The following MICU3 variants were observed in gnomAD, a reference collection of about 807,000 sequenced individuals.
MICU3 encodes calcium uptake protein 3, mitochondrial.
A neutral mutation model predicts 66.5 loss-of-function variants in MICU3; 62 were observed. The observed-to-expected ratio is 0.93, with a 90% confidence interval of 0.76 to 1.15. The LOEUF (loss-of-function observed/expected upper bound fraction) is 1.15. Among genes scored for constraint, MICU3 ranks in the 50% most tolerant of loss-of-function variants. MICU3 has a pLI of 0.00. For synonymous variants in MICU3, 308 were observed against 240.7 expected (o/e 1.28, Z -2.59); for missense variants, 779 against 664.4 (o/e 1.17, Z -1.90).
intron 3 of MICU3, among the ~76,000 whole-genome samples, chr8:17,074,845 A>G (rs780706847): frequency 5.9e-5 from 9 of 152,066 alleles, no homozygotes; most frequent in Non-Finnish European, 1.2e-4. Flanking sequence ...TTAATTCAGC[A>G]AATATTTATT....
chr8:17,075,211 C>CA (rs78530131), intron 3 of MICU3, among the ~76,000 whole-genome samples: 44,946 of 152,014 alleles, frequency 0.3, 7,108 homozygotes, highest in East Asian at 0.59. Flanking sequence ...CGTCCTAGCA[C>CA]AGCAGCGTGT....
At chr8:17,091,692 T>C (rs918107770) in intron 8 of MICU3, among the ~76,000 whole-genome samples, 5 of 152,052 alleles carry the variant, frequency 3.3e-5, no homozygotes, top group Admixed American at 3.3e-4. Context: ...ACTTACAAGA[T>C]ACTTTAAATT....
At chr8:17,043,219 G>A (rs1465975379) in intron 1 of MICU3, among the ~76,000 whole-genome samples, 5 of 152,080 alleles carry the variant, frequency 3.3e-5, no homozygotes, top group African/African-American at 1.2e-4. Context: ...GATTACAGGC[G>A]TGAGCCACCG....
downstream of MICU3, among the ~76,000 whole-genome samples, chr8:17,126,363 G>A (rs1338742876): frequency 6.6e-6 from 1 of 151,866 alleles, no homozygotes; most frequent in African/African-American, 2.4e-5. Flanking sequence ...CTCTCTTCCA[G>A]TTTTCCTGTC....
At chr8:17,115,758 G>T (rs933348125) in intron 12 of MICU3, among the ~76,000 whole-genome samples, 1 of 152,084 alleles carries the variant, frequency 6.6e-6, no homozygotes, top group Non-Finnish European at 1.5e-5. Flanking sequence ...GCCTATTGAA[G>T]AATGTTCTGG....
At chr8:17,069,590 A>G in intron 2 of MICU3, 98 bp from the exon 3 acceptor site, 1 of 668,132 alleles carries the variant, frequency 1.5e-6, no homozygotes, top group South Asian at 2.3e-5. Context: ...TGGACATAAA[A>G]GTTTGGTTAT....
At chr8:17,051,880 G>A (rs922128741) in intron 1 of MICU3, among the ~76,000 whole-genome samples, 1 of 152,046 alleles carries the variant, frequency 6.6e-6, no homozygotes, top group Non-Finnish European at 1.5e-5. Flanking sequence ...GGAGAGCAAA[G>A]GTAGCTAAAT....
At chr8:17,128,986 T>C in the MICU3 span, among the ~76,000 whole-genome samples, 3 of 152,196 alleles carry the variant, frequency 2.0e-5, no homozygotes, top group Non-Finnish European at 4.4e-5. Context: ...GGTCCCATAG[T>C]GCTGGGAGCC....
chr8:17,071,118 C>G (rs1819523574), intron 3 of MICU3, among the ~76,000 whole-genome samples: 2 of 151,572 alleles, frequency 1.3e-5, no homozygotes, highest in South Asian at 4.2e-4. Context: ...GAAAGCTAAG[C>G]CTCAAATAAG....
chr8:17,118,012 C>T (rs569850690), intron 13 of MICU3, among the ~76,000 whole-genome samples: 14 of 152,314 alleles, frequency 9.2e-5, no homozygotes, highest in African/African-American at 3.4e-4. Context: ...GTCCAAGCTA[C>T]TTGAGTAAAG....
chr8:17,038,306 A>T (rs554951623), intron 1 of MICU3, among the ~76,000 whole-genome samples: 1 of 152,114 alleles, frequency 6.6e-6, no homozygotes, highest in Non-Finnish European at 1.5e-5. Flanking sequence ...GGTTTTTCCC[A>T]TGCTGTTGTC....
chr8:17,033,780 C>T (rs964458664), intron 1 of MICU3, among the ~76,000 whole-genome samples: 3 of 152,028 alleles, frequency 2.0e-5, no homozygotes, highest in Non-Finnish European at 1.5e-5. Context: ...AAGGAAGCTG[C>T]AGAAGAAAAG....
At chr8:17,056,189 C>T (rs892961886) in intron 1 of MICU3, among the ~76,000 whole-genome samples, 11 of 152,164 alleles carry the variant, frequency 7.2e-5, no homozygotes, top group African/African-American at 1.2e-4. Flanking sequence ...ATGTCAATTC[C>T]CCAGGGACTA....
Position 17,105,558 on chromosome 8 carries a change from G to A in MICU3, c.1231G>A (p.Val411Met). The A allele has an allele frequency of 2.6e-6, 4 of 1,559,636 alleles. No individual in the cohort carries two copies. In the South Asian group the frequency reaches 3.6e-5, roughly 14 times the overall value. The stretch of plus-strand genomic sequence containing the variant: ...AAATACATCAGTATTTTTAGAAAAT[G>A]TGCGTTACAGTATACCTGAAGAAAA... ...VENTSVFLEN[V>M]RYSIPEEKGI... The change falls in exon 11 of 15, where the codon GTG becomes ATG. Residue 411 changes from valine (V) to methionine (M), a missense_variant. Transcript: ENST00000318063.
chr8:17,092,213 A>G (rs1800142927), intron 8 of MICU3, among the ~76,000 whole-genome samples: 2 of 151,964 alleles, frequency 1.3e-5, no homozygotes, highest in South Asian at 4.1e-4. Flanking sequence ...TCATCACTGT[A>G]TGAACCATTT....
chr8:17,068,050 A>G (rs910903679), intron 2 of MICU3, among the ~76,000 whole-genome samples: 13 of 152,256 alleles, frequency 8.5e-5, no homozygotes, highest in Middle Eastern at 3.4e-3. Context: ...ATTTTAATTT[A>G]GATTTTTAAA....
chr8:17,064,862 A>T (rs976901581), intron 2 of MICU3, among the ~76,000 whole-genome samples: 5 of 152,076 alleles, frequency 3.3e-5, no homozygotes, highest in African/African-American at 1.2e-4. Context: ...TTGCCTTTTT[A>T]GATTATTATA....
At chr8:17,051,218 T>C (rs1163975833) in intron 1 of MICU3, among the ~76,000 whole-genome samples, 9 of 151,826 alleles carry the variant, frequency 5.9e-5, no homozygotes, top group Non-Finnish European at 1.0e-4. Flanking sequence ...TTTTTTAATA[T>C]TATGTTTTAA....
At chr8:17,077,762 G>A in intron 3 of MICU3, 21 bp from the exon 4 acceptor site, 2 of 1,553,542 alleles carry the variant, frequency 1.3e-6, no homozygotes, top group Non-Finnish European at 1.8e-6. Context: ...CAATTCATCA[G>A]TAGTATAACT....
Sources: allele counts gnomAD v4.1 joint callset (sites outside exome capture counted in the v4.1 genomes callset), GRCh38; gene constraint gnomAD v4.1.1; transcripts MANE v1.5; gene names NCBI Gene and HGNC (gene_info 2026-07-23, HGNC 2026-07-21).